The following CCDC6 variants were observed in gnomAD, a reference collection of about 807,000 sequenced individuals.
CCDC6 encodes the protein coiled-coil domain-containing protein 6.
Under a neutral mutation model 56.6 loss-of-function variants are expected in CCDC6, and 20 were observed. The ratio of observed to expected loss-of-function variants is 0.35; its 90% CI spans 0.25 to 0.51. The LOEUF (loss-of-function observed/expected upper bound fraction) is 0.51, where lower values mean the gene tolerates loss of function less well. CCDC6 is among the 20% of genes least tolerant of loss of function. CCDC6 has a pLI of 0.95. For synonymous variants in CCDC6, 241 were observed against 234.4 expected (o/e 1.03, Z -0.26); for missense variants, 367 against 601.1 (o/e 0.61, Z 4.07).
intron 3 of CCDC6, among the ~76,000 whole-genome samples, chr10:59,821,790 C>CA (rs140568954): frequency 8.8e-4 from 134 of 151,472 alleles, no homozygotes; most frequent in African/African-American, 2.1e-3. Flanking sequence ...GAGAAATACG[C>CA]AAAAAAAATC....
Position 59,899,596 on chromosome 10 carries a change from C to T in CCDC6, c.303+6526G>A, listed in dbSNP as rs141450982. Among the ~76,000 whole-genome samples, 1,154 of 152,330 alleles carry T rather than the reference C, an allele frequency of 7.6e-3. 5 individuals carry two copies. The highest frequency in any genetic ancestry group is 0.012 in the Admixed American group (188 of 15,300). ...AGGTCACCAGTATTTATTTGCATTA[C>T]TGCATCCCCCTGCAATGGGCCAGAG... On this transcript the variant is annotated intron_variant, in intron 1 of 8. Coordinates refer to ENST00000263102, the MANE Select transcript of CCDC6 (RefSeq NM_005436.5).
intron 5 of CCDC6, among the ~76,000 whole-genome samples, chr10:59,810,876 C>A (rs972478480): frequency 7.9e-5 from 12 of 151,996 alleles, no homozygotes; most frequent in African/African-American, 2.9e-4. Context: ...GGTAGATTAT[C>A]CTAGATTATC....
intron 1 of CCDC6, among the ~76,000 whole-genome samples, chr10:59,892,965 T>G (rs1423445941): frequency 6.6e-6 from 1 of 152,206 alleles, no homozygotes; most frequent in African/African-American, 2.4e-5. Context: ...AAGCTGACTC[T>G]AAAACTGAAA....
At chr10:59,875,068 C>T (rs1027552514) in intron 1 of CCDC6, among the ~76,000 whole-genome samples, 1 of 152,112 alleles carries the variant, frequency 6.6e-6, no homozygotes, top group Non-Finnish European at 1.5e-5. Context: ...AATATGTTGC[C>T]ATGATTAAGA....
chr10:59,904,167 A>C (rs983773488), intron 1 of CCDC6, among the ~76,000 whole-genome samples: 1 of 135,816 alleles, frequency 7.4e-6, no homozygotes, highest in South Asian at 2.7e-4. Context: ...CATTTCACAA[A>C]GTATATTCGG....
chr10:59,856,011 T>A (rs1358270132), intron 1 of CCDC6, among the ~76,000 whole-genome samples: 1 of 152,196 alleles, frequency 6.6e-6, no homozygotes, highest in African/African-American at 2.4e-5. Context: ...TAATAGAAAA[T>A]GCCACTCTCA....
chr10:59,847,801 A>G (rs901552448), intron 2 of CCDC6, among the ~76,000 whole-genome samples: 2 of 149,724 alleles, frequency 1.3e-5, no homozygotes, highest in Admixed American at 6.6e-5. Context: ...AACATTCTGG[A>G]GAATAGCCTT....
intron 1 of CCDC6, among the ~76,000 whole-genome samples, chr10:59,902,314 A>G (rs768581307): frequency 1.3e-5 from 2 of 151,806 alleles, no homozygotes; most frequent in African/African-American, 4.8e-5. Context: ...TAACAGAGAT[A>G]TTACTATACA....
intron 2 of CCDC6, among the ~76,000 whole-genome samples, chr10:59,843,272 T>C (rs963880778): frequency 3.3e-5 from 5 of 152,250 alleles, no homozygotes; most frequent in African/African-American, 4.8e-5. Flanking sequence ...ATGAAGGCTG[T>C]TGATCTCTAA....
chr10:59,829,907 C>A (rs144582900), intron 3 of CCDC6, among the ~76,000 whole-genome samples: 2,077 of 152,270 alleles, frequency 0.014, 21 homozygotes, highest in Admixed American at 0.021. Context: ...ATGTAAATTA[C>A]ATCTCACTAG....
intron 3 of CCDC6, among the ~76,000 whole-genome samples, chr10:59,817,270 C>CTTA (rs1253429613): frequency 2.6e-5 from 4 of 152,238 alleles, no homozygotes; most frequent in Middle Eastern, 3.4e-3. Flanking sequence ...AGCCTTAACC[C>CTTA]ACTGGGCTCA....
At chr10:59,806,673 CCT>C (rs2070626445) in intron 6 of CCDC6, 4 of 425,380 alleles carry the variant, frequency 9.4e-6, no homozygotes, top group Non-Finnish European at 4.2e-6. Flanking sequence ...CTAATATAAC[CCT>C]GTCTCCATTT....
intron 5 of CCDC6, among the ~76,000 whole-genome samples, chr10:59,810,301 T>G (rs2070662460): frequency 6.6e-6 from 1 of 152,214 alleles, no homozygotes; most frequent in Admixed American, 6.5e-5. Context: ...AGCAGCTAAG[T>G]GCCACTGCTG....
At chr10:59,830,973 T>C (rs182747307) in intron 3 of CCDC6, among the ~76,000 whole-genome samples, 3 of 152,370 alleles carry the variant, frequency 2.0e-5, no homozygotes, top group Admixed American at 2.0e-4. Context: ...TACTAGCTTC[T>C]GTGAGGACTT....
intron 1 of CCDC6, among the ~76,000 whole-genome samples, chr10:59,875,202 C>G (rs1174554069): frequency 6.6e-6 from 1 of 152,164 alleles, no homozygotes; most frequent in Non-Finnish European, 1.5e-5. Context: ...TGACTAGAAG[C>G]ACATAAACCA....
chr10:59,857,424 A>G (rs1393171011), intron 1 of CCDC6, among the ~76,000 whole-genome samples: 2 of 152,304 alleles, frequency 1.3e-5, no homozygotes, highest in South Asian at 2.1e-4. Flanking sequence ...TCTTTTATCA[A>G]TGGCGTTTTG....
intron 6 of CCDC6, chr10:59,805,200 G>T (rs766203464): frequency 6.6e-6 from 1 of 152,312 alleles, no homozygotes; most frequent in Non-Finnish European, 1.5e-5. Context: ...GTGCGCTGAC[G>T]AGGAGAAATT....
At position 59,792,741 on chromosome 10, in the gene CCDC6, A is replaced by G; in HGVS notation, c.*176T>C. On this transcript the variant is annotated 3_prime_UTR_variant, in exon 9 of 9. Transcript: ENST00000263102. ...AAAAGTCGTCTGGTTAGTGTTGTAG[A>G]CCCACAACACTGGCTGCATTTCTGA... 1 of 794,462 alleles carries G rather than the reference A, an allele frequency of 1.3e-6. No individual in the cohort carries two copies. Among genetic ancestry groups the G allele is most frequent in the East Asian group, 2.4e-5 (1 of 41,262 alleles). 49.2% of individuals were successfully genotyped at this position (794,462 alleles called of 1,614,324 possible). A position where few individuals can be genotyped will look rare whatever the true frequency, so the allele number is the denominator to read the frequency against.
intron 7 of CCDC6, 130 bp from the exon 8 acceptor site, chr10:59,794,727 G>T: frequency 1.4e-6 from 1 of 699,652 alleles, no homozygotes; most frequent in Non-Finnish European, 2.4e-6. Context: ...AAGAATGATG[G>T]GCTCACTAAA....
Sources: gnomAD v4.1 joint callset for allele counts (sites outside exome capture counted in the v4.1 genomes callset) on GRCh38, gnomAD v4.1.1 for gene constraint, MANE v1.5 for transcripts, NCBI Gene and HGNC (gene_info 2026-07-23, HGNC 2026-07-21) for gene names.